Variants in SSBP4 observed in about 807,000 individuals in gnomAD.
SSBP4 encodes the protein single stranded DNA binding protein 4.
In SSBP4, 33 loss-of-function variants were observed where a neutral mutation model predicts 64.6. The observed-to-expected ratio is 0.51, with a 90% CI of 0.39 to 0.68. The LOEUF (loss-of-function observed/expected upper bound fraction) is 0.68, where lower values mean the gene tolerates loss of function less well. SSBP4 is among the 30% of genes least tolerant of loss of function. The pLI, the probability that SSBP4 is intolerant of heterozygous loss-of-function variation, is 0.00. For synonymous variants in SSBP4, 243 were observed against 224.0 expected (o/e 1.08, Z -0.76); for missense variants, 583 against 566.8 (o/e 1.03, Z -0.29).
chr19:18,410,033 G>A, the SSBP4 span, among the ~76,000 whole-genome samples: 1 of 151,848 alleles, frequency 6.6e-6, no homozygotes, highest in East Asian at 1.9e-4. Flanking sequence ...TCGCTCTGTC[G>A]CCCAAGTTGG....
rs1248356990 is a variant in SSBP4 at position 18,427,458 on chromosome 19, C to T, written c.132+35C>T. On this transcript the variant is annotated intron_variant, in intron 2 of 17. Coordinates refer to ENST00000270061, the MANE Select transcript of SSBP4 (RefSeq NM_032627.5). The surrounding 1 kb of genome is among the most constrained non-coding windows in gnomAD (Gnocchi z 4.4). The stretch of plus-strand genomic sequence containing the variant: ...CACCTCCAGGCTGGCCCTCCCTCCT[C>T]ACCCACACTCCGGGGGTCCTTCATT... The T allele has an allele frequency of 6.2e-7, 1 of 1,601,824 alleles. No individual in the cohort carries two copies. Among genetic ancestry groups the T allele is most frequent in the Non-Finnish European group, 8.5e-7 (1 of 1,177,310 alleles).
At position 18,427,019 on chromosome 19, in the gene SSBP4, C is replaced by T. The variant is rs989653700; in HGVS notation, c.60-332C>T. ...TACATGGCCCAGGGTGCCCAGTGGT[C>T]GTCCCCACCCTGCACACACACAGGA... On this transcript the variant is annotated intron_variant, in intron 1 of 17. Coordinates refer to ENST00000270061, the MANE Select transcript of SSBP4 (RefSeq NM_032627.5). The surrounding 1 kb of genome is among the most constrained non-coding windows in gnomAD (Gnocchi z 4.4). Among the ~76,000 whole-genome samples the T allele has an allele frequency of 6.6e-6, 1 of 152,008 alleles. No homozygotes were observed. Among genetic ancestry groups the T allele is most frequent in the Non-Finnish European group, 1.5e-5 (1 of 67,984 alleles).
the SSBP4 span, among the ~76,000 whole-genome samples, chr19:18,407,336 C>A: frequency 6.6e-6 from 1 of 152,014 alleles, no homozygotes; most frequent in South Asian, 2.1e-4. Flanking sequence ...CAGCACCCAG[C>A]CCAAAGCATG....
chr19:18,411,179 T>C, the SSBP4 span, among the ~76,000 whole-genome samples: 14 of 151,734 alleles, frequency 9.2e-5, no homozygotes, highest in Non-Finnish European at 1.9e-4. Context: ...GCAATAAATA[T>C]GCAAAAATTA....
chr19:18,421,658 G>C (rs1196742977), intron 1 of SSBP4, among the ~76,000 whole-genome samples: 1 of 152,256 alleles, frequency 6.6e-6, no homozygotes, highest in Non-Finnish European at 1.5e-5. Context: ...GGAGGGCACA[G>C]CAAGTGCAAA....
At position 18,433,574 on chromosome 19, in the gene SSBP4, C is replaced by G; in HGVS notation, c.992-11C>G. 2.0e-6 allele frequency: 3 copies of G among 1,529,436 alleles called. No individual in the cohort carries two copies. The highest frequency in any genetic ancestry group is 2.6e-6 in the Non-Finnish European group (3 of 1,136,180). The allele number at this position is 1,529,436 out of a possible 1,614,324, so 94.7% of individuals were successfully genotyped here. A position where few individuals can be genotyped will look rare whatever the true frequency, so the allele number is the denominator to read the frequency against. On this transcript the variant is annotated splice_polypyrimidine_tract_variant and intron_variant, in intron 15 of 17. Transcript: ENST00000270061. Reference sequence around the variant, plus strand: ...GTCTGAGCCGGTGCCCGTGTCTGTCCGTGTCTGTAGGCTCGGGCGACATGG... The same window carrying G: ...GTCTGAGCCGGTGCCCGTGTCTGTCGGTGTCTGTAGGCTCGGGCGACATGG...
At chr19:18,425,281 G>A (rs566634102) in intron 1 of SSBP4, among the ~76,000 whole-genome samples, 6 of 152,204 alleles carry the variant, frequency 3.9e-5, no homozygotes, top group African/African-American at 1.4e-4. Context: ...GCCTCAGCAG[G>A]ACCTCCCGCT....
Position 18,427,863 on chromosome 19 carries a change from C to T in SSBP4, c.195-35C>T, listed in dbSNP as rs371926229. On this transcript the variant is annotated intron_variant, in intron 3 of 17. Coordinates refer to ENST00000270061, the MANE Select transcript of SSBP4 (RefSeq NM_032627.5). The surrounding 1 kb of genome is among the most constrained non-coding windows in gnomAD (Gnocchi z 4.4). ...GGCTGTGGAAGGGGGTTGAGGGAGG[C>T]ACGTGGAGCAACCATCTTCCCCTTT... 4 of 1,613,752 alleles carry T rather than the reference C, an allele frequency of 2.5e-6. No homozygotes were observed. In the African/African-American group the frequency reaches 5.3e-5, roughly 22 times the overall value.
chr19:18,419,331 A>G, upstream of SSBP4: 1 of 1,010,470 alleles, frequency 9.9e-7, no homozygotes, highest in Non-Finnish European at 1.2e-6. Flanking sequence ...CCCCTTTAAG[A>G]GCTGCGCCCG....
chr19:18,404,846 C>T, the SSBP4 span, among the ~76,000 whole-genome samples: 1 of 143,568 alleles, frequency 7.0e-6, no homozygotes, highest in Admixed American at 7.1e-5. Flanking sequence ...GAGCCAAGAC[C>T]ACGCCACTGC....
chr19:18,430,660 C>T (rs1300956416), intron 4 of SSBP4, among the ~76,000 whole-genome samples, 181 bp from the exon 5 acceptor site: 1 of 152,156 alleles, frequency 6.6e-6, no homozygotes, highest in East Asian at 1.9e-4. Context: ...ACACTGGATC[C>T]TGCGTCCTAC....
At chr19:18,429,068 T>G (rs570371227) in intron 4 of SSBP4, among the ~76,000 whole-genome samples, 1 of 152,180 alleles carries the variant, frequency 6.6e-6, no homozygotes, top group East Asian at 1.9e-4. Flanking sequence ...GCGCAGAGCG[T>G]AGACCGCAGG....
rs985801035 is a variant in SSBP4, at chr19:18,430,744, C to T, written c.280-97C>T. 9 of 1,093,848 alleles carry T rather than the reference C, an allele frequency of 8.2e-6. No homozygotes were observed. The Admixed American group carries it at 9.3e-5, about 11-fold the overall frequency. 67.8% of individuals were successfully genotyped at this position (1,093,848 alleles called of 1,614,324 possible). ...ACTGACCAATGCCAGCTCGCTGTCCCATGGGGCCGGCCACCTGCAGAGAGG... is the reference window on the plus strand; with the variant it reads ...ACTGACCAATGCCAGCTCGCTGTCCTATGGGGCCGGCCACCTGCAGAGAGG... On this transcript the variant is annotated intron_variant, in intron 4 of 17. Transcript: ENST00000270061.
upstream of SSBP4, among the ~76,000 whole-genome samples, chr19:18,417,567 G>A (rs1029588738): frequency 1.1e-4 from 17 of 152,154 alleles, no homozygotes; most frequent in African/African-American, 3.9e-4. The surrounding 1 kb of genome is among the most constrained non-coding windows in gnomAD (Gnocchi z 5.4). Flanking sequence ...TAGGATGGGA[G>A]TGACCTGGAC....
the SSBP4 span, among the ~76,000 whole-genome samples, chr19:18,404,864 C>CCT: frequency 3.6e-5 from 5 of 137,702 alleles, no homozygotes; most frequent in African/African-American, 5.7e-5. Context: ...TGCACTCCAG[C>CCT]GCAGGTAACA....
At chr19:18,420,451 G>A (rs930913364) in intron 1 of SSBP4, among the ~76,000 whole-genome samples, 12 of 152,170 alleles carry the variant, frequency 7.9e-5, no homozygotes, top group Non-Finnish European at 1.2e-4. Flanking sequence ...TGGGGCTGAG[G>A]TCTCTCGGGG....
In SSBP4 at chr19:18,427,485, C is replaced by T; in HGVS notation, c.132+62C>T. 1 of 1,573,686 alleles carries T rather than the reference C, an allele frequency of 6.4e-7. No homozygotes were observed. The highest frequency in any genetic ancestry group is 8.6e-7 in the Non-Finnish European group (1 of 1,159,304). On this transcript the variant is annotated intron_variant, in intron 2 of 17. Transcript: ENST00000270061. This position sits in a 1 kb window ranked among gnomAD's most constrained non-coding sequence, Gnocchi z 4.4. ...CCCACACTCCGGGGGTCCTTCATTT[C>T]CACTGGGGATCCAGGGGGTGGGCCC...
upstream of SSBP4, among the ~76,000 whole-genome samples, chr19:18,414,228 C>T (rs1972114377): frequency 2.0e-5 from 3 of 152,198 alleles, 1 homozygote; most frequent in South Asian, 6.2e-4. Context: ...CCAGACCAGA[C>T]AGGGTACTGG....
In SSBP4 at chr19:18,427,713, A is replaced by G. The variant is rs942139223; in HGVS notation, c.133-39A>G. ...CCCTGCTGGGTGGTGGGGCAGGGTC[A>G]GGTAGGGCCACCCCCTCACCACCTT... is the stretch of plus-strand genomic sequence containing the variant. On this transcript the variant is annotated intron_variant, in intron 2 of 17. Coordinates refer to ENST00000270061, the MANE Select transcript of SSBP4 (RefSeq NM_032627.5). The surrounding 1 kb of genome is among the most constrained non-coding windows in gnomAD (Gnocchi z 4.4). The G allele has an allele frequency of 5.2e-6, 8 of 1,548,454 alleles. No homozygotes were observed. The highest frequency in any genetic ancestry group is 7.0e-6 in the Non-Finnish European group (8 of 1,142,510).
Sources: allele counts gnomAD v4.1 joint callset (sites outside exome capture counted in the v4.1 genomes callset), GRCh38; gene constraint gnomAD v4.1.1; non-coding constraint Gnocchi (gnomAD v3.1); transcripts MANE v1.5; gene names NCBI Gene and HGNC (gene_info 2026-07-23, HGNC 2026-07-21).